The following OLFML2B variants were observed in gnomAD, a reference collection of about 807,000 sequenced individuals.
The protein encoded by OLFML2B is olfactomedin-like protein 2B.
In OLFML2B, 57 loss-of-function variants were observed where a neutral mutation model predicts 74.9. That is an observed-to-expected ratio of 0.76 (90% confidence interval 0.61 to 0.95). OLFML2B has a LOEUF of 0.95. OLFML2B is among the 40% of genes least tolerant of loss of function. The pLI is 0.00. For synonymous variants in OLFML2B, 388 were observed against 405.8 expected (o/e 0.96, Z 0.53); for missense variants, 986 against 970.6 (o/e 1.02, Z -0.21).
rs142241691 is a variant in OLFML2B, at chr1:162,014,397, T to C, written c.546+3003A>G. Among the ~76,000 whole-genome samples the C allele has an allele frequency of 1.9e-3, 283 of 152,292 alleles. 1 individual carries two copies. Among genetic ancestry groups the C allele is most frequent in the African/African-American group, 6.4e-3 (268 of 41,564 alleles). On this transcript the variant is annotated intron_variant, in intron 3 of 7. Transcript: ENST00000294794. ...AAGTTTCCATTCCTACCTCCTCCTA[T>C]ATACCCAAGGTGGAACTGTGGCTAT...
intron 6 of OLFML2B, among the ~76,000 whole-genome samples, chr1:161,991,818 T>C (rs1689751353): frequency 6.6e-6 from 1 of 152,254 alleles, no homozygotes; most frequent in South Asian, 2.1e-4. Context: ...AAAGATGTGC[T>C]ATTATCCAAG....
At chr1:162,019,385 A>C (rs532395861) in intron 2 of OLFML2B, among the ~76,000 whole-genome samples, 3 of 152,182 alleles carry the variant, frequency 2.0e-5, no homozygotes, top group African/African-American at 7.2e-5. Context: ...GCAAGGGAAG[A>C]GGGGGTGCAG....
At chr1:161,988,161 G>A (rs774920380) in intron 6 of OLFML2B, among the ~76,000 whole-genome samples, 4 of 152,140 alleles carry the variant, frequency 2.6e-5, no homozygotes, top group South Asian at 2.1e-4. Flanking sequence ...CAAGGATGCC[G>A]GTGACACTGA....
chr1:161,984,249 G>T lies in OLFML2B; in HGVS notation c.1679C>A (p.Pro560Gln). The T allele has an allele frequency of 6.6e-7, 1 of 1,524,682 alleles. No individual in the cohort carries two copies. Among genetic ancestry groups the T allele is most frequent in the South Asian group, 1.3e-5 (1 of 75,942 alleles). 94.4% of individuals were successfully genotyped at this position (1,524,682 alleles called of 1,614,324 possible). A position where few individuals can be genotyped will look rare whatever the true frequency, so the allele number is the denominator to read the frequency against. ...GTGGCCTGTGCCGATCCAGCTGTACGGGAGCTTGTAGGAATTGCTCCAGCG... is the reference window on the plus strand; with the variant it reads ...GTGGCCTGTGCCGATCCAGCTGTACTGGAGCTTGTAGGAATTGCTCCAGCG... ...QGRWSNSYKL[P>Q]YSWIGTGHVV... Residue 560 changes from proline to glutamine, a missense_variant, in exon 8 of 8, where the codon CCG (proline) becomes CAG (glutamine). Coordinates refer to ENST00000294794, the MANE Select transcript of OLFML2B (RefSeq NM_015441.3).
intron 4 of OLFML2B, among the ~76,000 whole-genome samples, chr1:162,005,364 C>T (rs1690189819): frequency 6.6e-6 from 1 of 152,206 alleles, no homozygotes; most frequent in African/African-American, 2.4e-5. Context: ...CCCTCTGCCA[C>T]CACTTCCCAA....
intron 4 of OLFML2B, among the ~76,000 whole-genome samples, chr1:162,004,751 G>T (rs557088540): frequency 1.3e-5 from 2 of 152,280 alleles, no homozygotes; most frequent in Admixed American, 1.3e-4. Context: ...CTTCCCAAAA[G>T]TTCTTCATGT....
At chr1:162,012,426 G>C (rs564280682) in intron 3 of OLFML2B, among the ~76,000 whole-genome samples, 1 of 152,364 alleles carries the variant, frequency 6.6e-6, no homozygotes, top group East Asian at 1.9e-4. Flanking sequence ...CTTTAGGTGT[G>C]GGGGAGAAGC....
intron 3 of OLFML2B, among the ~76,000 whole-genome samples, chr1:162,014,166 A>G (rs1017886496): frequency 7.1e-4 from 108 of 152,172 alleles, no homozygotes; most frequent in African/African-American, 2.4e-3. Context: ...TTACACAGGC[A>G]TTTTGTTCAT....
intron 1 of OLFML2B, among the ~76,000 whole-genome samples, chr1:162,021,134 G>C (rs987427652): frequency 1.3e-5 from 2 of 152,230 alleles, no homozygotes; most frequent in Non-Finnish European, 2.9e-5. Context: ...CTTCTTCGAG[G>C]AGTGGCATTT....
Position 162,022,312 on chromosome 1 carries a change from G to A in OLFML2B, c.174+945C>T, listed in dbSNP as rs372943261. Among the ~76,000 whole-genome samples the A allele has an allele frequency of 1.2e-4, 16 of 138,176 alleles. No individual in the cohort carries two copies. In the East Asian group the frequency reaches 3.3e-3, roughly 29 times the overall value. 90.6% of individuals were successfully genotyped at this position (138,176 alleles called of 152,430 possible). A position where few individuals can be genotyped will look rare whatever the true frequency, so the allele number is the denominator to read the frequency against. On this transcript the variant is annotated intron_variant, in intron 1 of 7. Coordinates refer to ENST00000294794, the MANE Select transcript of OLFML2B (RefSeq NM_015441.3). Reference sequence around the variant, plus strand: ...GTCACTCAGGATGGAGTGCAGTGGCGCGATCTCCGCTTACTGCAACCTCCA... The same window carrying A: ...GTCACTCAGGATGGAGTGCAGTGGCACGATCTCCGCTTACTGCAACCTCCA...
At chr1:162,002,526 A>G (rs926777239) in intron 4 of OLFML2B, among the ~76,000 whole-genome samples, 1 of 152,256 alleles carries the variant, frequency 6.6e-6, no homozygotes, top group Non-Finnish European at 1.5e-5. Context: ...AGGAAGAAGC[A>G]AACCAGGCTC....
At chr1:162,006,945 AC>A (rs1267831291) in intron 3 of OLFML2B, among the ~76,000 whole-genome samples, 28 of 152,274 alleles carry the variant, frequency 1.8e-4, no homozygotes, top group African/African-American at 6.3e-4. Context: ...AACAACAACA[AC>A]AACAAAAAAC....
intron 3 of OLFML2B, among the ~76,000 whole-genome samples, chr1:162,009,128 A>G (rs1022488142): frequency 1.3e-5 from 2 of 152,196 alleles, no homozygotes; most frequent in Non-Finnish European, 2.9e-5. Context: ...ACCCTCCATG[A>G]GGGGGAAGTA....
chr1:162,006,470 C>T lies in OLFML2B; in HGVS notation c.550G>A (p.Val184Met), dbSNP rs746557923. ...VGRVDKLEEE[V>M]SKNLTKENEQ... ...TTTTCCTTGGTGAGGTTTTTAGACA[C>T]TTCCTGAGAAGGAAAAAAAAAAGAT... is the stretch of plus-strand genomic sequence containing the variant. Residue 184 changes from valine to methionine, a missense_variant, in exon 4 of 8, where the codon GTG becomes ATG. Val to Met is a conservative substitution (Grantham distance 21, BLOSUM62 1). Coordinates refer to ENST00000294794, the MANE Select transcript of OLFML2B (RefSeq NM_015441.3). 6.7e-5 allele frequency: 100 copies of T among 1,485,716 alleles called. No homozygotes were observed. In the East Asian group the frequency reaches 2.2e-3, roughly 33 times the overall value. The allele number at this position is 1,485,716 out of a possible 1,614,324, so 92.0% of individuals were successfully genotyped here.
chr1:162,022,244 C>CTTTTTTTTTTTTTTTTTTTTTTTTT lies in OLFML2B; in HGVS notation c.174+1012_174+1013insAAAAAAAAAAAAAAAAAAAAAAAAA, dbSNP rs56395023. On this transcript the variant is annotated intron_variant, in intron 1 of 7. Coordinates refer to ENST00000294794, the MANE Select transcript of OLFML2B (RefSeq NM_015441.3). ...CCCTGGCTCTACCCATGTATCTCTT[C>CTTTTTTTTTTTTTTTTTTTTTTTTT]TTTTTTTTTTTTTTTTTTTTTTTTG... Among the ~76,000 whole-genome samples, 118 of 70,772 alleles carry CTTTTTTTTTTTTTTTTTTTTTTTTT rather than the reference C, an allele frequency of 1.7e-3. 1 individual carries two copies. The highest frequency in any genetic ancestry group is 1.9e-3 in the Non-Finnish European group (73 of 38,296). 46.4% of individuals were successfully genotyped at this position (70,772 alleles called of 152,430 possible).
rs368990706 is a variant in OLFML2B, at chr1:162,005,902, C to CTAAAAAAA, written c.723+394_723+395insTTTTTTTA. ...CCTTGGTGGCAGAGCTGGAACCTAT[C>CTAAAAAAA]AAAAAAAAAAAAAAAAAAAAAAAAA... On this transcript the variant is annotated intron_variant, in intron 4 of 7. Coordinates refer to ENST00000294794, the MANE Select transcript of OLFML2B (RefSeq NM_015441.3). 1.9e-3 allele frequency among the ~76,000 whole-genome samples: 150 copies of CTAAAAAAA among 77,892 alleles called. 19 individuals carry two copies. Among genetic ancestry groups the CTAAAAAAA allele is most frequent in the African/African-American group, 4.9e-3 (142 of 29,188 alleles). 51.1% of individuals were successfully genotyped at this position (77,892 alleles called of 152,430 possible).
chr1:162,023,563 G>A lies in OLFML2B; in HGVS notation c.-133C>T. On this transcript the variant is annotated 5_prime_UTR_variant, in exon 1 of 8. Coordinates refer to ENST00000294794, the MANE Select transcript of OLFML2B (RefSeq NM_015441.3). ...TGCTGAGAGCACCTTCTAAAGCTGG[G>A]TGCGGCTGAGCGGGACGGGAGGGTG... The A allele has an allele frequency of 2.2e-6, 2 of 897,364 alleles. No homozygotes were observed. Among genetic ancestry groups the A allele is most frequent in the Non-Finnish European group, 3.1e-6 (2 of 642,598 alleles). 55.6% of individuals were successfully genotyped at this position (897,364 alleles called of 1,614,324 possible). A position where few individuals can be genotyped will look rare whatever the true frequency, so the allele number is the denominator to read the frequency against.
At chr1:161,993,716 G>T (rs554123036) in intron 6 of OLFML2B, among the ~76,000 whole-genome samples, 1 of 152,244 alleles carries the variant, frequency 6.6e-6, no homozygotes, top group African/African-American at 2.4e-5. Context: ...CCAACCTGGC[G>T]CATGCTCTTG....
intron 6 of OLFML2B, among the ~76,000 whole-genome samples, chr1:161,985,985 G>A (rs10918374): frequency 0.27 from 41,430 of 152,124 alleles, 6,377 homozygotes; most frequent in African/African-American, 0.41. Flanking sequence ...TTATTATTGA[G>A]CATAGCCTTG....
Sources: gnomAD v4.1 joint callset for allele counts (sites outside exome capture counted in the v4.1 genomes callset) on GRCh38, gnomAD v4.1.1 for gene constraint, MANE v1.5 for transcripts, NCBI Gene and HGNC (gene_info 2026-07-23, HGNC 2026-07-21) for gene names.